CTNNA3: variants seen among roughly 807,000 people sequenced by gnomAD.
The protein encoded by CTNNA3 is catenin alpha 3, also known as catenin alpha-3.
Under a neutral mutation model 95.7 loss-of-function variants are expected in CTNNA3, and 76 were observed. That is an observed-to-expected ratio of 0.79 (90% confidence interval 0.66 to 0.96). The LOEUF is 0.96. Ranked by LOEUF, CTNNA3 falls within the 40% of genes least tolerant of loss-of-function variation. CTNNA3 has a pLI of 0.00. For missense variants in CTNNA3, 1,191 were observed against 1,089.8 expected, an observed-to-expected ratio of 1.09 and a Z score of -1.31; for synonymous variants, 431 against 374.4, an observed-to-expected ratio of 1.15 and a Z score of -1.74.
At chr10:66,302,577 G>T (rs2091877472) in intron 12 of CTNNA3, among the ~76,000 whole-genome samples, 1 of 152,082 alleles carries the variant, frequency 6.6e-6, no homozygotes, top group South Asian at 2.1e-4. Flanking sequence ...GACATTAGTA[G>T]TGAAATTTGA....
intron 5 of CTNNA3, among the ~76,000 whole-genome samples, chr10:67,367,431 G>T (rs1468130488): frequency 6.6e-6 from 1 of 152,036 alleles, no homozygotes; most frequent in Non-Finnish European, 1.5e-5. Flanking sequence ...GTTGGTGAAG[G>T]CTACAGAGAA....
At chr10:66,393,090 A>G (rs1038264940) in intron 11 of CTNNA3, among the ~76,000 whole-genome samples, 2 of 152,132 alleles carry the variant, frequency 1.3e-5, no homozygotes, top group Non-Finnish European at 2.9e-5. Flanking sequence ...CCAAGAAAAG[A>G]CATGCAGGAA....
chr10:67,404,575 T>C (rs1564628497), intron 5 of CTNNA3, among the ~76,000 whole-genome samples: 1 of 152,098 alleles, frequency 6.6e-6, no homozygotes. Context: ...ACTGAATCTA[T>C]GACTGATTGG....
intron 5 of CTNNA3, among the ~76,000 whole-genome samples, chr10:67,476,922 C>A (rs1018080460): frequency 1.3e-5 from 2 of 151,828 alleles, no homozygotes; most frequent in Non-Finnish European, 2.9e-5. Flanking sequence ...AGAGTACCTG[C>A]TCACCTACTC....
At chr10:67,566,914 C>T (rs1439895984) in intron 3 of CTNNA3, among the ~76,000 whole-genome samples, 2 of 150,836 alleles carry the variant, frequency 1.3e-5, no homozygotes, top group Non-Finnish European at 2.9e-5. Flanking sequence ...AGTAAACTAT[C>T]GCAAGGACAA....
intron 5 of CTNNA3, among the ~76,000 whole-genome samples, chr10:67,326,381 ATT>A: frequency 6.6e-6 from 1 of 152,198 alleles, no homozygotes; most frequent in East Asian, 1.9e-4. Context: ...TCCTTTCCAT[ATT>A]TAGTGCTACC....
intron 10 of CTNNA3, among the ~76,000 whole-genome samples, chr10:66,568,149 T>C (rs1182508244): frequency 6.6e-6 from 1 of 152,154 alleles, no homozygotes; most frequent in African/African-American, 2.4e-5. Context: ...ATAAAGAAGA[T>C]ATTAGCCAAG....
intron 1 of CTNNA3, among the ~76,000 whole-genome samples, chr10:67,680,138 C>T (rs1840600237): frequency 6.6e-6 from 1 of 151,996 alleles, no homozygotes; most frequent in African/African-American, 2.4e-5. Flanking sequence ...TGGCTCAGGC[C>T]CCAAGCAATC....
chr10:66,591,435 G>A (rs1426779452), intron 10 of CTNNA3, among the ~76,000 whole-genome samples: 1 of 152,118 alleles, frequency 6.6e-6, no homozygotes, highest in Non-Finnish European at 1.5e-5. Flanking sequence ...TTGAATAAGA[G>A]CAGCCTGAAG....
intron 3 of CTNNA3, among the ~76,000 whole-genome samples, chr10:67,563,231 TTC>T (rs1160196476): frequency 6.6e-6 from 1 of 152,152 alleles, no homozygotes; most frequent in Non-Finnish European, 1.5e-5. Context: ...ACTACCTGAC[TTC>T]AAACTATACT....
At chr10:65,944,166 T>C (rs1280840997) in intron 17 of CTNNA3, among the ~76,000 whole-genome samples, 2 of 152,252 alleles carry the variant, frequency 1.3e-5, no homozygotes, top group Non-Finnish European at 2.9e-5. Flanking sequence ...AGACAATTTT[T>C]CTCGGCTTTC....
chr10:66,731,854 C>T (rs1185267807), intron 9 of CTNNA3, among the ~76,000 whole-genome samples: 2 of 152,148 alleles, frequency 1.3e-5, no homozygotes, highest in East Asian at 1.9e-4. Flanking sequence ...CTAAAGAATA[C>T]TAATGAATAG....
chr10:67,155,610 G>A lies in CTNNA3; in HGVS notation c.1047+24707C>T, dbSNP rs183039468. Among the ~76,000 whole-genome samples the A allele has an allele frequency of 8.8e-4, 134 of 151,920 alleles. 1 individual carries two copies. The highest frequency in any genetic ancestry group is 1.8e-3 in the Admixed American group (28 of 15,256). Reference sequence around the variant, plus strand: ...CCTATTATGTACATTGGGATATGTTGTTTATTCATTTTACAGATGAAAATA... The same window carrying A: ...CCTATTATGTACATTGGGATATGTTATTTATTCATTTTACAGATGAAAATA... On this transcript the variant is annotated intron_variant, in intron 7 of 17. Transcript: ENST00000433211.
intron 7 of CTNNA3, among the ~76,000 whole-genome samples, chr10:66,940,762 A>T (rs1847952087): frequency 6.6e-6 from 1 of 152,142 alleles, no homozygotes; most frequent in South Asian, 2.1e-4. Flanking sequence ...CTCAGTTCAC[A>T]GTAGCCCACT....
chr10:66,465,025 C>T (rs187968163), intron 11 of CTNNA3, among the ~76,000 whole-genome samples: 19 of 152,140 alleles, frequency 1.2e-4, no homozygotes, highest in South Asian at 8.3e-4. Context: ...AAATAGGGTG[C>T]GGACATAGAC....
chr10:67,379,779 T>G (rs887246593), intron 5 of CTNNA3, among the ~76,000 whole-genome samples: 1 of 152,110 alleles, frequency 6.6e-6, no homozygotes, highest in Non-Finnish European at 1.5e-5. Context: ...CCCAGCACTT[T>G]GGGAGGCCGA....
Position 66,360,836 on chromosome 10 carries a change from T to C in CTNNA3, c.1732+18316A>G, listed in dbSNP as rs200617800. On this transcript the variant is annotated intron_variant, in intron 12 of 17. Transcript: ENST00000433211. ...TCCTTCCTTTCTTTCTTTCTTTCTT[T>C]CTTTCTTTCTTTCTTTCTTTCCTTT... 4.3e-3 allele frequency among the ~76,000 whole-genome samples: 557 copies of C among 130,484 alleles called. 30 individuals are homozygous for C. Among genetic ancestry groups the C allele is most frequent in the African/African-American group, 0.017 (521 of 30,394 alleles). The allele number at this position is 130,484 out of a possible 152,430, so 85.6% of individuals were successfully genotyped here.
chr10:66,847,949 A>T (rs1185429785), intron 7 of CTNNA3, among the ~76,000 whole-genome samples: 1 of 152,154 alleles, frequency 6.6e-6, no homozygotes, highest in African/African-American at 2.4e-5. Context: ...ATGTTATAAT[A>T]GATGAGATAG....
chr10:67,455,574 T>C (rs963117706), intron 5 of CTNNA3, among the ~76,000 whole-genome samples: 3 of 152,164 alleles, frequency 2.0e-5, no homozygotes, highest in African/African-American at 7.2e-5. Context: ...AATATCATCA[T>C]TGATAAGTCA....
Sources: allele counts gnomAD v4.1 joint callset (sites outside exome capture counted in the v4.1 genomes callset), GRCh38; gene constraint gnomAD v4.1.1; transcripts MANE v1.5; gene names NCBI Gene and HGNC (gene_info 2026-07-23, HGNC 2026-07-21).